Variants in ALOX5 observed in about 807,000 individuals in gnomAD.
ALOX5 encodes arachidonate 5-lipoxygenase.
In ALOX5, 64 loss-of-function variants were observed where a neutral mutation model predicts 87.9. The ratio of observed to expected loss-of-function variants is 0.73; its 90% CI spans 0.60 to 0.90. The LOEUF (loss-of-function observed/expected upper bound fraction) is 0.90, where lower values mean the gene tolerates loss of function less well. Ranked by LOEUF, ALOX5 falls within the 40% of genes least tolerant of loss-of-function variation. The probability of loss-of-function intolerance (pLI) is 0.00; values close to 1 mark genes in which losing one functional copy is unlikely to be tolerated. For missense variants in ALOX5, 822 were observed against 907.5 expected, an observed-to-expected ratio of 0.91 and a Z score of 1.21; for synonymous variants, 388 against 355.1, an observed-to-expected ratio of 1.09 and a Z score of -1.04.
chr10:45,440,726 G>C, intron 8 of ALOX5, 93 bp downstream of exon 8: 1 of 1,373,908 alleles, frequency 7.3e-7, no homozygotes, highest in South Asian at 1.3e-5. Context: ...ACCTGTGGCT[G>C]GGAGTGGGTG....
At chr10:45,385,752 CTT>C (rs1839984718) in intron 2 of ALOX5, among the ~76,000 whole-genome samples, 1 of 152,182 alleles carries the variant, frequency 6.6e-6, no homozygotes, top group Non-Finnish European at 1.5e-5. Context: ...TCCTGGCTGG[CTT>C]TACATCCCCA....
At chr10:45,374,980 A>G (rs1242556299) in intron 1 of ALOX5, among the ~76,000 whole-genome samples, 2 of 152,050 alleles carry the variant, frequency 1.3e-5, no homozygotes, top group Admixed American at 1.3e-4. Flanking sequence ...AGCTCACTCT[A>G]CCGTCTGTCT....
intron 2 of ALOX5, among the ~76,000 whole-genome samples, chr10:45,387,065 C>T (rs976378839): frequency 4.6e-5 from 7 of 152,170 alleles, no homozygotes; most frequent in Non-Finnish European, 1.0e-4. Flanking sequence ...GTGCCAGGCG[C>T]CGTGTGGAGG....
At chr10:45,422,799 C>T (rs1433403488) in intron 4 of ALOX5, among the ~76,000 whole-genome samples, 1 of 152,176 alleles carries the variant, frequency 6.6e-6, no homozygotes, top group Non-Finnish European at 1.5e-5. Flanking sequence ...GACCAGATGG[C>T]TTAAACGGCA....
At chr10:45,411,364 T>G (rs1458823901) in intron 3 of ALOX5, among the ~76,000 whole-genome samples, 1 of 152,188 alleles carries the variant, frequency 6.6e-6, no homozygotes, top group African/African-American at 2.4e-5. Flanking sequence ...GCCCAGTAGG[T>G]CTCAGCCTTA....
chr10:45,409,509 G>GTCTCTCTCTCTCTC (rs71515351), intron 3 of ALOX5, among the ~76,000 whole-genome samples: 1 of 129,908 alleles, frequency 7.7e-6, no homozygotes, highest in Non-Finnish European at 1.7e-5. Context: ...CTGTCTGTCT[G>GTCTCTCTCTCTCTC]TCTCTCTCTC....
In ALOX5 at chr10:45,425,895, G is replaced by A. The variant is rs951783085; in HGVS notation, c.834+763G>A. On this transcript the variant is annotated intron_variant, in intron 6 of 13. Coordinates refer to ENST00000374391, the MANE Select transcript of ALOX5 (RefSeq NM_000698.5). This position sits in a 1 kb window ranked among gnomAD's most constrained non-coding sequence, Gnocchi z 4.4. ...TTACCCTGAGGCCCTAGTTGGAGAG[G>A]GATGGTTGGTGCCCTTTAGAGATAA... 3.5e-4 allele frequency among the ~76,000 whole-genome samples: 54 copies of A among 152,280 alleles called. No individual in the cohort carries two copies. Among genetic ancestry groups the A allele is most frequent in the Non-Finnish European group, 4.4e-5 (3 of 68,018 alleles).
chr10:45,428,263 C>T (rs2132817148), intron 6 of ALOX5: 2 of 282,450 alleles, frequency 7.1e-6, no homozygotes, highest in Non-Finnish European at 1.3e-5. Flanking sequence ...AGTCCGGCAG[C>T]ATCATTTTTT....
intron 1 of ALOX5, among the ~76,000 whole-genome samples, chr10:45,375,883 C>T (rs1419017267): frequency 6.6e-6 from 1 of 152,232 alleles, no homozygotes; most frequent in Non-Finnish European, 1.5e-5. Flanking sequence ...AATGTGTCGT[C>T]CATTTAGGGT....
intron 7 of ALOX5, among the ~76,000 whole-genome samples, chr10:45,437,718 C>T (rs1328667280): frequency 6.6e-6 from 1 of 152,198 alleles, no homozygotes; most frequent in Non-Finnish European, 1.5e-5. Context: ...CTTTCCACTG[C>T]TTTTACCTAT....
intron 1 of ALOX5, 77 bp downstream of exon 1, chr10:45,374,506 C>CG: frequency 7.5e-7 from 1 of 1,330,916 alleles, no homozygotes. Flanking sequence ...GAGGCCTGGG[C>CG]GGGGGCGCCG....
At chr10:45,375,021 G>C (rs1475324691) in intron 1 of ALOX5, among the ~76,000 whole-genome samples, 1 of 152,208 alleles carries the variant, frequency 6.6e-6, no homozygotes, top group East Asian at 1.9e-4. Context: ...GAAAATGGAG[G>C]GTTGGCTTCA....
intron 4 of ALOX5, among the ~76,000 whole-genome samples, chr10:45,418,567 G>A (rs1230834201): frequency 1.3e-5 from 2 of 152,158 alleles, no homozygotes; most frequent in African/African-American, 4.8e-5. Flanking sequence ...GGGGACCCTC[G>A]CTTCACCTGG....
chr10:45,379,012 G>C (rs1839732549), intron 1 of ALOX5, among the ~76,000 whole-genome samples: 1 of 152,092 alleles, frequency 6.6e-6, no homozygotes, highest in South Asian at 2.1e-4. Context: ...GAGTGTCCCA[G>C]TCCCCTGTGA....
chr10:45,390,364 C>T (rs140927225), intron 2 of ALOX5, among the ~76,000 whole-genome samples: 3,422 of 152,310 alleles, frequency 0.022, 125 homozygotes, highest in African/African-American at 0.078. Flanking sequence ...ACAGAACTCT[C>T]CACCCCAAAT....
intron 2 of ALOX5, among the ~76,000 whole-genome samples, chr10:45,385,376 A>G (rs1329681135): frequency 6.6e-6 from 1 of 152,238 alleles, no homozygotes; most frequent in Non-Finnish European, 1.5e-5. Flanking sequence ...GCACTGTGTC[A>G]GTCCTTGGAA....
At chr10:45,400,455 C>T (rs1453849054) in intron 3 of ALOX5, among the ~76,000 whole-genome samples, 2 of 151,994 alleles carry the variant, frequency 1.3e-5, no homozygotes, top group South Asian at 4.1e-4. Flanking sequence ...AAAAATTAGC[C>T]GGGCATGTTG....
At chr10:45,413,436 T>C (rs555122658) in intron 4 of ALOX5, among the ~76,000 whole-genome samples, 3 of 152,310 alleles carry the variant, frequency 2.0e-5, no homozygotes, top group Non-Finnish European at 4.4e-5. Context: ...ATTGATGGGA[T>C]GTATCTCAAA....
At chr10:45,382,240 T>G (rs531104910) in intron 1 of ALOX5, among the ~76,000 whole-genome samples, 1 of 152,254 alleles carries the variant, frequency 6.6e-6, no homozygotes, top group Non-Finnish European at 1.5e-5. Flanking sequence ...CCAACCTTGA[T>G]GAAAAGAGTG....
Sources: gnomAD v4.1 joint callset for allele counts (sites outside exome capture counted in the v4.1 genomes callset) on GRCh38, gnomAD v4.1.1 for gene constraint, Gnocchi (gnomAD v3.1) non-coding constraint, MANE v1.5 for transcripts, NCBI Gene and HGNC (gene_info 2026-07-23, HGNC 2026-07-21) for gene names.